FAM20C: variants seen among roughly 807,000 people sequenced by gnomAD.
FAM20C encodes FAM20C golgi associated secretory pathway kinase.
Under a neutral mutation model 51.5 loss-of-function variants are expected in FAM20C, and 40 were observed. The ratio of observed to expected loss-of-function variants is 0.78; its 90% confidence interval spans 0.60 to 1.01. The LOEUF is 1.01. Ranked by LOEUF, FAM20C falls within the 50% of genes least tolerant of loss-of-function variation. The probability of loss-of-function intolerance (pLI) is 0.00; values close to 1 mark genes in which losing one functional copy is unlikely to be tolerated. For synonymous variants in FAM20C, 406 were observed against 380.6 expected (o/e 1.07, Z -0.78); for missense variants, 861 against 844.7 (o/e 1.02, Z -0.24).
intron 3 of FAM20C, among the ~76,000 whole-genome samples, chr7:209,594 C>G (rs968051521): frequency 6.6e-6 from 1 of 152,190 alleles, no homozygotes; most frequent in African/African-American, 2.4e-5. Flanking sequence ...CTCCGTGGCA[C>G]GCGACAGCTC....
In FAM20C at chr7:210,012, G is replaced by A. The variant is rs961747911; in HGVS notation, c.863+1036G>A. ...GTCCTGCCTCAGACCCGGGGCTGCC[G>A]GGAGCCGGTGGATGAGTCACAGCCC... On this transcript the variant is annotated intron_variant, in intron 3 of 9. Transcript: ENST00000313766. Among the ~76,000 whole-genome samples, 13 of 152,286 alleles carry A rather than the reference G, an allele frequency of 8.5e-5. No homozygotes were observed. The South Asian group carries it at 1.9e-3, about 22-fold the overall frequency.
intron 3 of FAM20C, among the ~76,000 whole-genome samples, chr7:214,910 T>G (rs1004534650): frequency 1.2e-4 from 18 of 151,918 alleles, no homozygotes; most frequent in Non-Finnish European, 2.2e-4. Flanking sequence ...ATTTAGTCAT[T>G]CCACAAACTC....
At chr7:255,733 A>G in intron 5 of FAM20C, 116 bp from the exon 6 acceptor site, 1 of 1,086,556 alleles carries the variant, frequency 9.2e-7, no homozygotes, top group Middle Eastern at 2.4e-4. Flanking sequence ...ACTGTGGGTG[A>G]GTCCTGCCCA....
chr7:251,334 C>T (rs544420734), intron 5 of FAM20C, among the ~76,000 whole-genome samples: 3 of 152,084 alleles, frequency 2.0e-5, no homozygotes, highest in Admixed American at 6.5e-5. Context: ...GCCTGGACAA[C>T]GTAGCGAGAC....
rs775673987 is a variant in FAM20C, at chr7:193,716, G to T, written c.517G>T (p.Ala173Ser). The T allele has an allele frequency of 6.5e-7, 1 of 1,546,782 alleles. No individual in the cohort carries two copies. The highest frequency in any genetic ancestry group is 1.2e-5 in the South Asian group (1 of 83,890). Residue 173 changes from alanine (A) to serine (S), a missense_variant, in exon 1 of 10, where the codon GCG (alanine) becomes TCG (serine). By Grantham distance (99) the Ala-to-Ser change is moderately conservative. Around this residue, in one of 3 missense-constraint regions of FAM20C, gnomAD observed 561 missense variants for 499.8 expected, o/e 1.12. Transcript: ENST00000313766. ...RLFEHPLYRV[A>S]VPPLTEEDVL... ...GTTCGAGCACCCGCTTTACCGGGTG[G>T]CGGTTCCGCCGCTCACGGAGGAGGA...
rs919615279 is a variant in FAM20C at position 237,703 on chromosome 7, A to G, written c.864-8712A>G. Among the ~76,000 whole-genome samples the G allele has an allele frequency of 2.8e-4, 42 of 149,714 alleles. 1 individual carries two copies. The highest frequency in any genetic ancestry group is 9.9e-4 in the African/African-American group (40 of 40,382). On this transcript the variant is annotated intron_variant, in intron 3 of 9. Coordinates refer to ENST00000313766, the MANE Select transcript of FAM20C (RefSeq NM_020223.4). The stretch of plus-strand genomic sequence containing the variant: ...TAGCCATGGGAGAGCTAATGGTGAT[A>G]ATGATGATAATGGTGATGAAGGATG...
intron 3 of FAM20C, among the ~76,000 whole-genome samples, chr7:217,565 G>A (rs1787058861): frequency 6.6e-6 from 1 of 152,156 alleles, no homozygotes; most frequent in African/African-American, 2.4e-5. Context: ...GCACTGGATG[G>A]CAGACAGCTG....
At chr7:217,010 A>G (rs1787014898) in intron 3 of FAM20C, among the ~76,000 whole-genome samples, 1 of 152,104 alleles carries the variant, frequency 6.6e-6, no homozygotes, top group Non-Finnish European at 1.5e-5. Context: ...ACTGGCGTGA[A>G]GAGGCCCTGT....
chr7:247,893 C>A (rs969499332), intron 4 of FAM20C, among the ~76,000 whole-genome samples: 2 of 152,288 alleles, frequency 1.3e-5, no homozygotes, highest in Non-Finnish European at 2.9e-5. Flanking sequence ...AGGACAATCA[C>A]CACGTCCTCC....
intron 3 of FAM20C, among the ~76,000 whole-genome samples, chr7:240,818 C>T (rs1237500106): frequency 6.6e-6 from 1 of 152,172 alleles, no homozygotes; most frequent in Non-Finnish European, 1.5e-5. Context: ...CATTCTGCCT[C>T]AGGCTCCAGG....
chr7:193,245 G>A lies in FAM20C; in HGVS notation c.46G>A (p.Val16Met). 2.0e-6 allele frequency: 3 copies of A among 1,466,396 alleles called. No individual in the cohort carries two copies. Among genetic ancestry groups the A allele is most frequent in the Non-Finnish European group, 2.7e-6 (3 of 1,105,314 alleles). The allele number at this position is 1,466,396 out of a possible 1,614,324, so 90.8% of individuals were successfully genotyped here. A position where few individuals can be genotyped will look rare whatever the true frequency, so the allele number is the denominator to read the frequency against. ...VRRFRVLILM[V>M]FLVACALHIA... ...CCGGTTCCGCGTGCTCATCCTGATG[G>A]TGTTCCTGGTGGCCTGCGCGCTGCA... Residue 16 changes from valine to methionine, a missense_variant, in exon 1 of 10, where the codon GTG becomes ATG. Around this residue, in one of 3 missense-constraint regions of FAM20C, gnomAD observed 561 missense variants for 499.8 expected, o/e 1.12. Transcript: ENST00000313766.
intron 3 of FAM20C, among the ~76,000 whole-genome samples, chr7:211,217 C>A (rs1353250085): frequency 6.7e-6 from 1 of 149,536 alleles, no homozygotes; most frequent in African/African-American, 2.5e-5. Context: ...CCCTCAGCCT[C>A]CCCTCGGACC....
chr7:240,839 A>T (rs994206129), intron 3 of FAM20C, among the ~76,000 whole-genome samples: 23 of 152,290 alleles, frequency 1.5e-4, no homozygotes, highest in African/African-American at 5.5e-4. Flanking sequence ...AAAGCCCCAC[A>T]GAGGGGCTGA....
intron 2 of FAM20C, among the ~76,000 whole-genome samples, chr7:196,584 G>T (rs931006043): frequency 6.6e-6 from 1 of 152,204 alleles, no homozygotes; most frequent in Non-Finnish European, 1.5e-5. Context: ...TGAAGGCAGG[G>T]CTTTCTTTGC....
chr7:234,231 G>A (rs952864874), intron 3 of FAM20C, among the ~76,000 whole-genome samples: 6 of 152,354 alleles, frequency 3.9e-5, no homozygotes, highest in East Asian at 3.9e-4. Context: ...CCCCCTCCTC[G>A]TGCCCTCAGT....
At chr7:258,618 C>T (rs1788743628) in intron 8 of FAM20C, 28 bp from the exon 9 acceptor site, 1 of 1,536,502 alleles carries the variant, frequency 6.5e-7, no homozygotes, top group Non-Finnish European at 8.7e-7. Context: ...TACAGGGGCC[C>T]TTGACAATTC....
intron 3 of FAM20C, among the ~76,000 whole-genome samples, chr7:237,844 A>ATGGTGATGG (rs1583323557): frequency 3.0e-3 from 2 of 668 alleles, no homozygotes; most frequent in Non-Finnish European, 0.022. Flanking sequence ...GATAGTGATG[A>ATGGTGATGG]TGNNNNNNNN....
At chr7:253,231 C>T (rs1053772360) in intron 5 of FAM20C, among the ~76,000 whole-genome samples, 5 of 152,214 alleles carry the variant, frequency 3.3e-5, no homozygotes, top group Non-Finnish European at 7.3e-5. Context: ...CTGTCCAGGG[C>T]ACAGCTGTCC....
intron 3 of FAM20C, among the ~76,000 whole-genome samples, chr7:230,710 C>A (rs1410133646): frequency 6.6e-6 from 1 of 152,016 alleles, no homozygotes; most frequent in Non-Finnish European, 1.5e-5. Context: ...CATGGAAAGT[C>A]CTGTGTGTTT....
Sources: allele counts gnomAD v4.1 joint callset (sites outside exome capture counted in the v4.1 genomes callset), GRCh38; gene constraint gnomAD v4.1.1; regional missense constraint gnomAD v4.1.1; transcripts MANE v1.5; gene names NCBI Gene and HGNC (gene_info 2026-07-23, HGNC 2026-07-21).